MTCL1: variants seen among roughly 807,000 people sequenced by gnomAD.
MTCL1 encodes microtubule crosslinking factor 1.
MTCL1 carries 79 observed loss-of-function variants against 141.4 expected under a neutral mutation model. That is an observed-to-expected ratio of 0.56 (90% CI 0.47 to 0.67). The LOEUF (loss-of-function observed/expected upper bound fraction) is 0.67. Ranked by LOEUF, MTCL1 falls within the 30% of genes least tolerant of loss-of-function variation. MTCL1 has a pLI of 0.00. For synonymous variants in MTCL1, 914 were observed against 875.8 expected, an observed-to-expected ratio of 1.04 and a Z score of -0.77; for missense variants, 2,177 against 2,113.9, an observed-to-expected ratio of 1.03 and a Z score of -0.59.
At chr18:8,774,232 C>T (rs1568007769) in intron 4 of MTCL1, among the ~76,000 whole-genome samples, 1 of 151,636 alleles carries the variant, frequency 6.6e-6, no homozygotes. Context: ...CACTCACAAA[C>T]ACATACACAC....
chr18:8,718,677 G>A (rs764354958), intron 3 of MTCL1, 29 bp downstream of exon 2: 20 of 1,599,910 alleles, frequency 1.3e-5, no homozygotes, highest in Middle Eastern at 2.2e-4. Context: ...CGTGCACCTC[G>A]CAAGGCTGCT....
exon 3 of MTCL1, chr18:8,718,576 G>A (rs1218361321): frequency 6.2e-7 from 1 of 1,614,018 alleles, no homozygotes; most frequent in African/African-American, 1.3e-5. Flanking sequence ...AAGCCGAGCA[G>A]AAAAGCCTGA....
rs993368439 is a variant in MTCL1, at chr18:8,822,195, G to A, written c.3188+697G>A. The stretch of plus-strand genomic sequence containing the variant: ...CTAGCCATGCCTGTGGCACACTTCT[G>A]TCCTTCACGCTGTCTTCTCTGGTCT... On this transcript the variant is annotated intron_variant, in intron 14 of 16. Coordinates refer to ENST00000359865, the Ensembl canonical transcript of MTCL1. This position sits in a 1 kb window ranked among gnomAD's most constrained non-coding sequence, Gnocchi z 4.6. 3.3e-5 allele frequency among the ~76,000 whole-genome samples: 5 copies of A among 152,206 alleles called. No individual in the cohort carries two copies. The highest frequency in any genetic ancestry group is 6.5e-5 in the Admixed American group (1 of 15,286).
At position 8,813,309 on chromosome 18, in the gene MTCL1, C is replaced by T. The variant is rs1214507902; in HGVS notation, c.2859+76C>T. The stretch of plus-strand genomic sequence containing the variant: ...TCAGTGGACCCAGAAAGCAAAAGCA[C>T]TAGGCTGCTTCATGGTCCTTGCAGC... On this transcript the variant is annotated intron_variant, in intron 12 of 16. Coordinates refer to ENST00000359865, the Ensembl canonical transcript of MTCL1. 6.7e-6 allele frequency: 10 copies of T among 1,500,940 alleles called. No individual in the cohort carries two copies. In the African/African-American group the frequency reaches 1.1e-4, roughly 17 times the overall value. The allele number at this position is 1,500,940 out of a possible 1,614,324, so 93.0% of individuals were successfully genotyped here.
rs572472647 is a variant in MTCL1 at position 8,721,784 on chromosome 18, A to T, written c.357+1288A>T. ...TGTGTGTTTTCTTTCTCTGTCTTTTATCCGTCCCCTCCTTTACTAGTGCCC... is the reference window on the plus strand; with the variant it reads ...TGTGTGTTTTCTTTCTCTGTCTTTTTTCCGTCCCCTCCTTTACTAGTGCCC... On this transcript the variant is annotated intron_variant, in intron 4 of 16. Transcript: ENST00000359865. Among the ~76,000 whole-genome samples the T allele has an allele frequency of 3.3e-5, 5 of 152,146 alleles. No individual in the cohort carries two copies. In the East Asian group the frequency reaches 9.7e-4, roughly 29 times the overall value.
chr18:8,829,114 G>A (rs2144548445), intron 16 of MTCL1: 1 of 1,382,046 alleles, frequency 7.2e-7, no homozygotes, highest in South Asian at 1.6e-5. Context: ...CCTAAACCCA[G>A]GAACAGATTG....
upstream of MTCL1, among the ~76,000 whole-genome samples, chr18:8,716,064 AGAAAT>A (rs2096126583): frequency 6.6e-6 from 1 of 152,246 alleles, no homozygotes; most frequent in South Asian, 2.1e-4. Context: ...GGAGGAAAAA[AGAAAT>A]GAAACTTGGT....
chr18:8,732,977 C>T (rs2096258352), intron 4 of MTCL1, among the ~76,000 whole-genome samples: 3 of 152,316 alleles, frequency 2.0e-5, no homozygotes, highest in South Asian at 4.1e-4. Flanking sequence ...TCTTTGGGTG[C>T]GGATGTGCTC....
chr18:8,784,589 C>A (rs745766894), exon 6 of MTCL1: 1 of 1,611,326 alleles, frequency 6.2e-7, no homozygotes, highest in Middle Eastern at 1.7e-4. Context: ...CTTACCGGGG[C>A]CTGGCCTCCA....
chr18:8,809,396 A>T, intron 11 of MTCL1: 1 of 1,522,874 alleles, frequency 6.6e-7, no homozygotes, highest in South Asian at 1.2e-5. Context: ...GAAAGGAAGT[A>T]TGGAATGAAA....
At chr18:8,765,445 G>A (rs2096455309) in intron 4 of MTCL1, among the ~76,000 whole-genome samples, 1 of 152,240 alleles carries the variant, frequency 6.6e-6, no homozygotes. Flanking sequence ...GCCAGAGGCA[G>A]CTGTGATATG....
intron 4 of MTCL1, among the ~76,000 whole-genome samples, chr18:8,758,934 A>C (rs971739096): frequency 6.6e-6 from 1 of 152,116 alleles, no homozygotes; most frequent in South Asian, 2.1e-4. Flanking sequence ...CACTTACTGG[A>C]GTTAGTGAAA....
chr18:8,727,062 CTG>C (rs1344798432), intron 4 of MTCL1, among the ~76,000 whole-genome samples: 1 of 152,152 alleles, frequency 6.6e-6, no homozygotes, highest in African/African-American at 2.4e-5. Flanking sequence ...ATTGGATTTT[CTG>C]TGTCTGAGTT....
chr18:8,708,404 C>T (rs556293), intron 1 of MTCL1, among the ~76,000 whole-genome samples: 129,694 of 152,212 alleles, frequency 0.85, 55,420 homozygotes, highest in East Asian at 0.96. Context: ...GAGTCTGATA[C>T]AGTGTATTTG....
At position 8,705,891 on chromosome 18, in the gene MTCL1, G is replaced by C; in HGVS notation, c.231G>C (p.Ser77=). 1 of 1,108,186 alleles carries C rather than the reference G, an allele frequency of 9.0e-7. No individual in the cohort carries two copies. 68.6% of individuals were successfully genotyped at this position (1,108,186 alleles called of 1,614,324 possible). The change falls in exon 1 of 14, where the codon TCG becomes TCC. Residue 77 remains serine, a synonymous_variant. Transcript: ENST00000306329. This position sits in a 1 kb window ranked among gnomAD's most constrained non-coding sequence, Gnocchi z 5.2. ...CCCCGGCTCCCGCCGCCCCGCGCTCGCCCAACCTCGCGGGCAAAGCGCCGC... is the reference window on the plus strand; with the variant it reads ...CCCCGGCTCCCGCCGCCCCGCGCTCCCCCAACCTCGCGGGCAAAGCGCCGC...
At chr18:8,725,509 G>T (rs1252853426) in intron 4 of MTCL1, among the ~76,000 whole-genome samples, 2 of 152,048 alleles carry the variant, frequency 1.3e-5, no homozygotes, top group Non-Finnish European at 2.9e-5. Context: ...AATACACAAA[G>T]GTTTAACAAA....
intron 4 of MTCL1, among the ~76,000 whole-genome samples, chr18:8,760,973 A>AT (rs1377563011): frequency 6.6e-6 from 1 of 152,232 alleles, no homozygotes; most frequent in Non-Finnish European, 1.5e-5. Flanking sequence ...CTGCCTTTAG[A>AT]TATGTAATAA....
chr18:8,713,440 G>T (rs1253315956), upstream of MTCL1, among the ~76,000 whole-genome samples: 1 of 152,094 alleles, frequency 6.6e-6, no homozygotes. Context: ...TGCTCGATTT[G>T]GTTTACTTAA....
chr18:8,718,452 T>C, exon 3 of MTCL1: 1 of 1,614,162 alleles, frequency 6.2e-7, no homozygotes, highest in Non-Finnish European at 8.5e-7. Context: ...CGTGCTGAGA[T>C]GGAAGAGATG....
Sources: allele counts gnomAD v4.1 joint callset (sites outside exome capture counted in the v4.1 genomes callset), GRCh38; gene constraint gnomAD v4.1.1; non-coding constraint Gnocchi (gnomAD v3.1); transcripts MANE v1.5; gene names NCBI Gene and HGNC (gene_info 2026-07-23, HGNC 2026-07-21).